The following INTS9 variants were observed in gnomAD, a reference collection of about 807,000 sequenced individuals.
INTS9 encodes the protein integrator complex subunit 9.
A neutral mutation model predicts 79.7 loss-of-function variants in INTS9; 55 were observed. The ratio of observed to expected loss-of-function variants is 0.69; its 90% CI spans 0.56 to 0.86. The LOEUF (loss-of-function observed/expected upper bound fraction) is 0.86. INTS9 is among the 40% of genes least tolerant of loss of function. The pLI, the probability that INTS9 is intolerant of heterozygous loss-of-function variation, is 0.00. For missense variants in INTS9, 721 were observed against 831.5 expected (o/e 0.87, Z 1.64); for synonymous variants, 319 against 325.2 (o/e 0.98, Z 0.20).
chr8:28,772,040 T>C (rs1457777288), intron 14 of INTS9, among the ~76,000 whole-genome samples: 2 of 152,144 alleles, frequency 1.3e-5, no homozygotes, highest in African/African-American at 4.8e-5. Context: ...TATTATTTTT[T>C]TGTAGATACG....
intron 1 of INTS9, among the ~76,000 whole-genome samples, chr8:28,879,416 T>C (rs1410886239): frequency 2.6e-5 from 4 of 152,206 alleles, no homozygotes; most frequent in Non-Finnish European, 5.9e-5. Flanking sequence ...GGGAATATCA[T>C]CAGCCTGATA....
intron 10 of INTS9, among the ~76,000 whole-genome samples, chr8:28,790,407 CAG>C (rs2130938758): frequency 6.6e-6 from 1 of 152,290 alleles, no homozygotes; most frequent in Non-Finnish European, 1.5e-5. Flanking sequence ...AACAGAAACA[CAG>C]AGAAATCCCC....
intron 10 of INTS9, among the ~76,000 whole-genome samples, chr8:28,792,320 G>A (rs1309925277): frequency 6.6e-6 from 1 of 152,016 alleles, no homozygotes; most frequent in Non-Finnish European, 1.5e-5. Context: ...AAATAGTTAA[G>A]GGGTGATGTA....
chr8:28,815,167 T>A (rs889565666), intron 6 of INTS9, among the ~76,000 whole-genome samples: 1 of 152,060 alleles, frequency 6.6e-6, no homozygotes, highest in Non-Finnish European at 1.5e-5. Flanking sequence ...TAAGATAGTA[T>A]AGCTAAGAAA....
intron 15 of INTS9, 52 bp from the exon 16 acceptor site, chr8:28,770,078 G>A (rs1219999888): frequency 6.3e-7 from 1 of 1,586,744 alleles, no homozygotes; most frequent in South Asian, 1.1e-5. Context: ...AGCAGCAGGG[G>A]CCACCGCAGG....
chr8:28,882,471 A>T (rs1349138777), intron 1 of INTS9, among the ~76,000 whole-genome samples: 1 of 146,624 alleles, frequency 6.8e-6, no homozygotes, highest in Non-Finnish European at 1.5e-5. Context: ...AAAAAAAAAA[A>T]ATAGAAATAA....
At chr8:28,844,783 T>C (rs1807406630) in intron 4 of INTS9, among the ~76,000 whole-genome samples, 1 of 152,104 alleles carries the variant, frequency 6.6e-6, no homozygotes, top group Admixed American at 6.6e-5. Flanking sequence ...ACCACTGTAC[T>C]CCAGCCTAGG....
At chr8:28,852,977 G>A (rs2131267104) in intron 2 of INTS9, among the ~76,000 whole-genome samples, 1 of 152,310 alleles carries the variant, frequency 6.6e-6, no homozygotes, top group South Asian at 2.1e-4. Context: ...TTTGCTTACT[G>A]TGTTCCAATG....
chr8:28,829,499 T>C (rs1391125423), intron 6 of INTS9, among the ~76,000 whole-genome samples: 1 of 152,218 alleles, frequency 6.6e-6, no homozygotes, highest in African/African-American at 2.4e-5. Context: ...ATAAATCAAA[T>C]GCTAATTCAA....
chr8:28,780,239 A>T (rs1803173734), intron 12 of INTS9: 1 of 79,824 alleles, frequency 1.3e-5, no homozygotes, highest in Admixed American at 1.2e-4. Flanking sequence ...AAAAAAAAAA[A>T]AAAAAAAAAA....
At chr8:28,865,727 T>G (rs1034118002) in intron 1 of INTS9, among the ~76,000 whole-genome samples, 1 of 152,206 alleles carries the variant, frequency 6.6e-6, no homozygotes, top group Non-Finnish European at 1.5e-5. Context: ...CTCTGATTTT[T>G]CAAAAAGATG....
rs183219647 is a variant in INTS9 at position 28,833,101 on chromosome 8, G to A, written c.488+2191C>T. Among the ~76,000 whole-genome samples, 477 of 152,302 alleles carry A rather than the reference G, an allele frequency of 3.1e-3. 3 individuals carry two copies. The highest frequency in any genetic ancestry group is 0.011 in the African/African-American group (460 of 41,548). On this transcript the variant is annotated intron_variant, in intron 6 of 16. Transcript: ENST00000521022. ...ATAACATGTGTACAAAGGAATGCAC[G>A]GAGGAGACTCATGCTCAAGCTCCGA...
chr8:28,859,109 T>C (rs1808320230), intron 2 of INTS9, among the ~76,000 whole-genome samples: 1 of 152,198 alleles, frequency 6.6e-6, no homozygotes, highest in African/African-American at 2.4e-5. Context: ...ATTCTAAAAT[T>C]CAATTCTTGG....
intron 8 of INTS9, among the ~76,000 whole-genome samples, chr8:28,810,600 TTC>T (rs145377206): frequency 1.4e-4 from 21 of 149,938 alleles, no homozygotes; most frequent in African/African-American, 3.4e-4. Context: ...GAACAAGACC[TTC>T]TCTCTCTCTC....
chr8:28,796,327 A>T (rs2130968244), intron 9 of INTS9, among the ~76,000 whole-genome samples: 1 of 152,266 alleles, frequency 6.6e-6, no homozygotes, highest in African/African-American at 2.4e-5. Flanking sequence ...CCACACAAAC[A>T]TTCATACATA....
rs569674761 is a variant in INTS9, at chr8:28,793,887, G to A, written c.957C>T (p.Ala319=). The change falls in exon 10 of 17, where the codon GCC becomes GCT. Residue 319 remains alanine, a synonymous_variant. Coordinates refer to ENST00000521022, the MANE Select transcript of INTS9 (RefSeq NM_018250.4). ...AGTAGAGGGGGACGCTGGAAAGCCCGGCTGAGTCGATGTACTGATATAGGC... is the reference window on the plus strand; with the variant it reads ...AGTAGAGGGGGACGCTGGAAAGCCCAGCTGAGTCGATGTACTGATATAGGC... The part of the protein sequence containing the change: ...LECLYQYIDS[A]GLSSVPLYFI... 40 of 1,613,962 alleles carry A rather than the reference G, an allele frequency of 2.5e-5. No individual in the cohort carries two copies. The highest frequency in any genetic ancestry group is 1.6e-4 in the Middle Eastern group (1 of 6,062).
chr8:28,782,541 A>G (rs767797378), intron 11 of INTS9, among the ~76,000 whole-genome samples: 1 of 152,254 alleles, frequency 6.6e-6, no homozygotes, highest in Non-Finnish European at 1.5e-5. Flanking sequence ...GCACACATGC[A>G]CACATACACG....
chr8:28,769,468 G>T (rs1461113401), intron 16 of INTS9: 1 of 156,228 alleles, frequency 6.4e-6, no homozygotes, highest in Non-Finnish European at 1.4e-5. Flanking sequence ...CAGAGGGGAA[G>T]GGCCAGTGTC....
rs1370131264 is a variant in INTS9 at position 28,813,496 on chromosome 8, T to A, written c.605A>T (p.Lys202Ile). ...SKIQLVGYSQKIELFGAVQVT... is the reference protein window; with the variant it reads ...SKIQLVGYSQIIELFGAVQVT... ...AAATGTAATATGAATACTCACAATT[T>A]TCTGAGAATATCCCACCAGCTGGAT... The change falls in exon 7 of 17, where the codon AAA becomes ATA. Residue 202 changes from lysine (K) to isoleucine (I), a missense_variant. This residue lies in a region of INTS9 where 291 missense variants were observed against 307.0 expected (regional missense o/e 0.95). Transcript: ENST00000521022. The A allele has an allele frequency of 1.9e-6, 3 of 1,613,074 alleles. No individual in the cohort carries two copies. The highest frequency in any genetic ancestry group is 2.5e-6 in the Non-Finnish European group (3 of 1,179,270).
Sources: allele counts gnomAD v4.1 joint callset (sites outside exome capture counted in the v4.1 genomes callset), GRCh38; gene constraint gnomAD v4.1.1; regional missense constraint gnomAD v4.1.1; transcripts MANE v1.5; gene names NCBI Gene and HGNC (gene_info 2026-07-23, HGNC 2026-07-21).